The following IGSF11 variants were observed in gnomAD, a reference collection of about 807,000 sequenced individuals.
The protein encoded by IGSF11 is CXADR like 1.
A neutral mutation model predicts 41.0 loss-of-function variants in IGSF11; 22 were observed. That is an observed-to-expected ratio of 0.54 (90% CI 0.38 to 0.77). The LOEUF (loss-of-function observed/expected upper bound fraction) is 0.77, where lower values mean the gene tolerates loss of function less well. Ranked by LOEUF, IGSF11 falls within the 30% of genes least tolerant of loss-of-function variation. IGSF11 has a pLI of 0.00. For missense variants in IGSF11, 444 were observed against 530.8 expected (o/e 0.84, Z 1.61); for synonymous variants, 219 against 201.3 (o/e 1.09, Z -0.74).
At chr3:118,914,042 G>A (rs1358894502) in intron 4 of IGSF11, among the ~76,000 whole-genome samples, 1 of 152,074 alleles carries the variant, frequency 6.6e-6, no homozygotes, top group East Asian at 1.9e-4. Flanking sequence ...CCTATTATTT[G>A]GATAGAGAGT....
intron 1 of IGSF11, among the ~76,000 whole-genome samples, chr3:119,084,190 T>C (rs2076633083): frequency 6.6e-6 from 1 of 150,992 alleles, no homozygotes; most frequent in South Asian, 2.1e-4. Context: ...TCTAAACCAA[T>C]GTAATTTGAA....
chr3:118,962,124 T>TA (rs1266871956), intron 1 of IGSF11, among the ~76,000 whole-genome samples: 5 of 152,186 alleles, frequency 3.3e-5, no homozygotes, highest in African/African-American at 1.2e-4. Context: ...TTCCTGTGCT[T>TA]AAAGGTTAGA....
chr3:119,096,475 T>G (rs537893085), intron 1 of IGSF11, among the ~76,000 whole-genome samples: 2 of 152,208 alleles, frequency 1.3e-5, no homozygotes, highest in Non-Finnish European at 2.9e-5. Flanking sequence ...AGTCCAGAAA[T>G]GCCGAGGAAT....
At chr3:119,042,391 A>C (rs72953005) in intron 1 of IGSF11, among the ~76,000 whole-genome samples, 3,778 of 152,296 alleles carry the variant, frequency 0.025, 152 homozygotes, top group African/African-American at 0.086. Flanking sequence ...CTAAGCCCTG[A>C]TTGCAGGCTG....
intron 5 of IGSF11, 133 bp from the exon 6 acceptor site, chr3:118,904,931 A>G: frequency 1.4e-6 from 1 of 711,748 alleles, no homozygotes; most frequent in Non-Finnish European, 2.2e-6. Flanking sequence ...AAAATCTTTC[A>G]TCTATATAAA....
chr3:119,116,865 C>T (rs978515085), intron 1 of IGSF11, among the ~76,000 whole-genome samples: 1 of 152,162 alleles, frequency 6.6e-6, no homozygotes, highest in Non-Finnish European at 1.5e-5. Context: ...GAACCGACAA[C>T]CCCACTCCTG....
intron 1 of IGSF11, among the ~76,000 whole-genome samples, chr3:118,970,177 C>T (rs985927278): frequency 6.6e-6 from 1 of 152,300 alleles, no homozygotes; most frequent in Admixed American, 6.5e-5. Flanking sequence ...GAACAGCTCC[C>T]TTCATGCCTA....
chr3:119,104,318 C>A (rs959871104), intron 1 of IGSF11, among the ~76,000 whole-genome samples: 6 of 152,204 alleles, frequency 3.9e-5, no homozygotes, highest in Non-Finnish European at 8.8e-5. Context: ...CCCCTTCACA[C>A]TCAATATTAC....
intron 1 of IGSF11, among the ~76,000 whole-genome samples, chr3:119,054,786 C>T (rs1441210125): frequency 6.6e-6 from 1 of 152,176 alleles, no homozygotes; most frequent in Non-Finnish European, 1.5e-5. Context: ...AGCCTAAATG[C>T]CCATCAACCA....
chr3:119,075,259 C>G (rs2076473811), intron 1 of IGSF11, among the ~76,000 whole-genome samples: 1 of 152,104 alleles, frequency 6.6e-6, no homozygotes, highest in Non-Finnish European at 1.5e-5. Flanking sequence ...CAATATACAA[C>G]TTCCCAGGAT....
chr3:119,064,164 T>C (rs1942145194), intron 1 of IGSF11, among the ~76,000 whole-genome samples: 1 of 152,206 alleles, frequency 6.6e-6, no homozygotes, highest in Non-Finnish European at 1.5e-5. Flanking sequence ...GAAGTTCTCC[T>C]ACATTTTACT....
chr3:119,079,360 C>CA (rs1386597758), intron 1 of IGSF11, among the ~76,000 whole-genome samples: 5,150 of 133,138 alleles, frequency 0.039, 260 homozygotes, highest in African/African-American at 0.13. Flanking sequence ...AACTCCGTCT[C>CA]AAAAAAAAAA....
intron 1 of IGSF11, among the ~76,000 whole-genome samples, chr3:118,964,757 G>A: frequency 6.6e-6 from 1 of 152,018 alleles, no homozygotes; most frequent in East Asian, 1.9e-4. Context: ...TTTCCTATTA[G>A]GAAATGTCTA....
intron 1 of IGSF11, among the ~76,000 whole-genome samples, chr3:119,063,134 T>C (rs1367968338): frequency 6.6e-6 from 1 of 152,196 alleles, no homozygotes; most frequent in African/African-American, 2.4e-5. Context: ...TTTGCTCTTA[T>C]GAAACCTTCA....
intron 1 of IGSF11, among the ~76,000 whole-genome samples, chr3:119,083,825 T>C (rs1298331953): frequency 2.6e-5 from 4 of 152,222 alleles, no homozygotes; most frequent in African/African-American, 9.6e-5. Context: ...TATCATACTA[T>C]GTTTTTGATC....
At chr3:119,045,764 G>A (rs1473709505) in intron 1 of IGSF11, among the ~76,000 whole-genome samples, 1 of 151,874 alleles carries the variant, frequency 6.6e-6, no homozygotes, top group Non-Finnish European at 1.5e-5. Flanking sequence ...TTTGAAGAGA[G>A]CAGTGGTTCT....
intron 1 of IGSF11, among the ~76,000 whole-genome samples, chr3:119,110,778 C>T (rs574586423): frequency 6.6e-6 from 1 of 151,942 alleles, no homozygotes; most frequent in South Asian, 2.1e-4. Flanking sequence ...TCTTTTAGGG[C>T]AGGCCTGGTG....
chr3:118,935,990 C>T (rs889940732), intron 1 of IGSF11, among the ~76,000 whole-genome samples: 3 of 151,944 alleles, frequency 2.0e-5, no homozygotes, highest in Non-Finnish European at 2.9e-5. Context: ...CTCATGGTTC[C>T]TCTTTAGTAT....
chr3:119,090,980 C>A (rs2573198), intron 1 of IGSF11, among the ~76,000 whole-genome samples: 33,384 of 152,054 alleles, frequency 0.22, 4,098 homozygotes, highest in Non-Finnish European at 0.27. Flanking sequence ...TGACAAAGGT[C>A]TAATATCCAG....
Sources: gnomAD v4.1 joint callset for allele counts (sites outside exome capture counted in the v4.1 genomes callset) on GRCh38, gnomAD v4.1.1 for gene constraint, MANE v1.5 for transcripts, NCBI Gene and HGNC (gene_info 2026-07-23, HGNC 2026-07-21) for gene names.